FMN1: variants seen among roughly 807,000 people sequenced by gnomAD.
The protein encoded by FMN1 is formin 1, also known as formin-1.
FMN1 carries 110 observed loss-of-function variants against 132.4 expected under a neutral mutation model. The observed-to-expected ratio is 0.83, with a 90% CI of 0.71 to 0.97. FMN1 has a LOEUF of 0.97. FMN1 is among the 50% of genes least tolerant of loss of function. FMN1 has a pLI of 0.00. For synonymous variants in FMN1, 722 were observed against 651.7 expected (o/e 1.11, Z -1.64); for missense variants, 1,792 against 1,705.3 (o/e 1.05, Z -0.90).
chr15:33,170,582 T>C (rs1434047893), intron 3 of FMN1, among the ~76,000 whole-genome samples: 1 of 145,430 alleles, frequency 6.9e-6, no homozygotes, highest in Admixed American at 6.8e-5. Flanking sequence ...CGTTGAAAAA[T>C]GGGCAAAGGA....
intron 4 of FMN1, among the ~76,000 whole-genome samples, chr15:33,101,038 C>A (rs2039273882): frequency 6.6e-6 from 1 of 152,110 alleles, no homozygotes; most frequent in Non-Finnish European, 1.5e-5. Context: ...TCTGTACTTT[C>A]TACCGTTTTT....
In FMN1 at chr15:32,948,774, TTC is replaced by T. The variant is rs1319524126; in HGVS notation, c.3138+15331_3138+15332del. Among the ~76,000 whole-genome samples the T allele has an allele frequency of 2.6e-5, 4 of 152,222 alleles. No individual in the cohort carries two copies. In the South Asian group the frequency reaches 6.2e-4, roughly 24 times the overall value. On this transcript the variant is annotated intron_variant, in intron 9 of 20. Coordinates refer to ENST00000616417, the MANE Select transcript of FMN1 (RefSeq NM_001277313.2). ...TCTTGCAAAAAGTTTTTGAATGTTATTCTTTTTTTTCAAAGAAGAAACTTTTG... is the reference window on the plus strand; with the variant it reads ...TCTTGCAAAAAGTTTTTGAATGTTATTTTTTTTTCAAAGAAGAAACTTTTG...
intron 9 of FMN1, among the ~76,000 whole-genome samples, chr15:32,938,393 G>A (rs2061328057): frequency 6.6e-6 from 1 of 152,076 alleles, no homozygotes; most frequent in South Asian, 2.1e-4. Context: ...GGTGGGTGTG[G>A]TGGCACACTC....
intron 3 of FMN1, among the ~76,000 whole-genome samples, chr15:33,166,307 A>C (rs1391963663): frequency 1.4e-5 from 2 of 146,294 alleles, no homozygotes; most frequent in Non-Finnish European, 1.5e-5. Context: ...TACCACTGGC[A>C]CTCACTTTTT....
At chr15:33,127,460 T>TA in intron 4 of FMN1, among the ~76,000 whole-genome samples, 1 of 152,250 alleles carries the variant, frequency 6.6e-6, no homozygotes, top group African/African-American at 2.4e-5. Flanking sequence ...TAACTGTAAA[T>TA]AAAACACTAA....
intron 10 of FMN1, among the ~76,000 whole-genome samples, chr15:32,917,789 T>G (rs2060719755): frequency 6.6e-6 from 1 of 152,116 alleles, no homozygotes; most frequent in Admixed American, 6.6e-5. Context: ...TTTCAATGAA[T>G]TAACCAATTA....
intron 7 of FMN1, among the ~76,000 whole-genome samples, chr15:32,977,985 A>C (rs2032349438): frequency 1.3e-5 from 2 of 151,430 alleles, no homozygotes; most frequent in Admixed American, 1.3e-4. Context: ...GCCTCCCAAG[A>C]AGCTGGGACT....
intron 4 of FMN1, among the ~76,000 whole-genome samples, chr15:33,115,787 G>A (rs1324031926): frequency 2.0e-5 from 3 of 152,110 alleles, no homozygotes; most frequent in African/African-American, 7.2e-5. Flanking sequence ...TTACCACTTA[G>A]AAGTTCCCTT....
At chr15:33,046,930 G>A (rs2036714766) in intron 6 of FMN1, among the ~76,000 whole-genome samples, 1 of 152,162 alleles carries the variant, frequency 6.6e-6, no homozygotes, top group South Asian at 2.1e-4. Context: ...TAAAACATGG[G>A]CTTAGAACCT....
chr15:33,096,618 TAGAC>T (rs765994281), intron 4 of FMN1, among the ~76,000 whole-genome samples: 16 of 152,070 alleles, frequency 1.1e-4, no homozygotes, highest in South Asian at 2.1e-4. Context: ...TTTTTTTTCT[TAGAC>T]AGGGTCTCAC....
At chr15:33,091,763 G>T (rs781245145) in intron 4 of FMN1, among the ~76,000 whole-genome samples, 1 of 151,972 alleles carries the variant, frequency 6.6e-6, no homozygotes, top group African/African-American at 2.4e-5. Flanking sequence ...TATTAAAATG[G>T]GTAATACCCA....
intron 16 of FMN1, among the ~76,000 whole-genome samples, chr15:32,882,528 G>A (rs997517082): frequency 1.3e-5 from 2 of 152,176 alleles, no homozygotes; most frequent in East Asian, 3.9e-4. Flanking sequence ...GTAGGGAGGA[G>A]AATTTTATTG....
chr15:32,986,416 T>C (rs1015870307), intron 7 of FMN1, among the ~76,000 whole-genome samples: 5 of 152,150 alleles, frequency 3.3e-5, no homozygotes, highest in African/African-American at 1.2e-4. Flanking sequence ...TTTTTACAAA[T>C]AGTTTTGGCA....
chr15:32,917,722 A>G (rs2060718429), intron 10 of FMN1, among the ~76,000 whole-genome samples: 2 of 152,216 alleles, frequency 1.3e-5, no homozygotes, highest in African/African-American at 4.8e-5. Context: ...CTTCATTTTC[A>G]TAGATGTCAG....
intron 6 of FMN1, among the ~76,000 whole-genome samples, chr15:33,057,883 G>C (rs1203473262): frequency 1.3e-5 from 2 of 150,970 alleles, no homozygotes; most frequent in Non-Finnish European, 3.0e-5. Context: ...TCTATGGAGA[G>C]GGGATCTGAA....
At chr15:32,783,501 C>T (rs2056738596) in intron 19 of FMN1, among the ~76,000 whole-genome samples, 1 of 152,048 alleles carries the variant, frequency 6.6e-6, no homozygotes, top group Admixed American at 6.5e-5. Context: ...AATCCCAGCA[C>T]TTTGGGAGGC....
At chr15:32,807,240 TATTTTG>T (rs957957316) in intron 17 of FMN1, among the ~76,000 whole-genome samples, 16 of 152,232 alleles carry the variant, frequency 1.1e-4, no homozygotes, top group Non-Finnish European at 2.1e-4. Flanking sequence ...TAGTAAAACT[TATTTTG>T]TTTTATATTA....
chr15:32,836,415 T>C (rs996290604), intron 17 of FMN1, among the ~76,000 whole-genome samples: 1 of 152,178 alleles, frequency 6.6e-6, no homozygotes, highest in African/African-American at 2.4e-5. Flanking sequence ...CATTTTCTCC[T>C]TTTTCACAGG....
chr15:33,057,779 T>C (rs1458520038), intron 6 of FMN1, among the ~76,000 whole-genome samples: 1 of 152,208 alleles, frequency 6.6e-6, no homozygotes, highest in East Asian at 1.9e-4. Flanking sequence ...TGCTTCCGAG[T>C]TTACCTATTG....
Sources: allele counts gnomAD v4.1 joint callset (sites outside exome capture counted in the v4.1 genomes callset), GRCh38; gene constraint gnomAD v4.1.1; transcripts MANE v1.5; gene names NCBI Gene and HGNC (gene_info 2026-07-23, HGNC 2026-07-21).